The following TTLL12 variants were observed in gnomAD, a reference collection of about 807,000 sequenced individuals.
TTLL12 encodes the protein tubulin tyrosine ligase like 12.
A neutral mutation model predicts 79.6 loss-of-function variants in TTLL12; 77 were observed. The observed-to-expected ratio is 0.97, with a 90% confidence interval of 0.81 to 1.17. The LOEUF (loss-of-function observed/expected upper bound fraction) is 1.17. Among genes scored for constraint, TTLL12 ranks in the 50% most tolerant of loss-of-function variants. The pLI, the probability that TTLL12 is intolerant of heterozygous loss-of-function variation, is 0.00. For synonymous variants in TTLL12, 437 were observed against 376.1 expected, an observed-to-expected ratio of 1.16 and a Z score of -1.87; for missense variants, 969 against 895.9, an observed-to-expected ratio of 1.08 and a Z score of -1.04.
intron 1 of TTLL12, among the ~76,000 whole-genome samples, chr22:43,183,571 C>T (rs188793336): frequency 2.7e-4 from 41 of 152,306 alleles, no homozygotes; most frequent in Middle Eastern, 3.4e-3. Context: ...TGGGGGCACA[C>T]CCCAATGCCC....
intron 5 of TTLL12, among the ~76,000 whole-genome samples, chr22:43,176,707 G>A (rs1285020100): frequency 6.9e-6 from 1 of 144,228 alleles, no homozygotes; most frequent in East Asian, 2.1e-4. Context: ...TCCAGCCTGG[G>A]AGAGAGTGTG....
intron 2 of TTLL12, among the ~76,000 whole-genome samples, chr22:43,182,225 CAGG>C (rs898050860): frequency 3.3e-5 from 5 of 152,240 alleles, no homozygotes; most frequent in South Asian, 2.1e-4. Flanking sequence ...CTGAGCCGCA[CAGG>C]AGAACTCACT....
In TTLL12 at chr22:43,174,621, G is replaced by A. The variant is rs768792217; in HGVS notation, c.918-6C>T. 1 of 1,593,246 alleles carries A rather than the reference G, an allele frequency of 6.3e-7. No homozygotes were observed. Among genetic ancestry groups the A allele is most frequent in the South Asian group, 1.1e-5 (1 of 89,916 alleles). ...GCTGCACGTCCGTGTAGACCCTGTGGGGAGAGCCCGAGCTGGGTGATCCCG... is the reference window on the plus strand; with the variant it reads ...GCTGCACGTCCGTGTAGACCCTGTGAGGAGAGCCCGAGCTGGGTGATCCCG... On this transcript the variant is annotated splice_region_variant and splice_polypyrimidine_tract_variant and intron_variant, in intron 6 of 13. Transcript: ENST00000216129.
At chr22:43,183,992 G>A (rs921308355) in intron 1 of TTLL12, among the ~76,000 whole-genome samples, 2 of 152,228 alleles carry the variant, frequency 1.3e-5, no homozygotes, top group Non-Finnish European at 2.9e-5. Flanking sequence ...AGGGCTACTG[G>A]GAGGATTAGG....
rs1012885548 is a variant in TTLL12, at chr22:43,173,859, T to C, written c.1230-33A>G. 5 of 1,576,710 alleles carry C rather than the reference T, an allele frequency of 3.2e-6. No individual in the cohort carries two copies. In the South Asian group the frequency reaches 4.5e-5, roughly 14 times the overall value. ...GCAGAAGGGCTGTCTGGGGGGCGCC[T>C]GGGGCCTGTGTTCCCAGATGGTGCC... On this transcript the variant is annotated intron_variant, in intron 8 of 13. Coordinates refer to ENST00000216129, the MANE Select transcript of TTLL12 (RefSeq NM_015140.4).
intron 1 of TTLL12, among the ~76,000 whole-genome samples, chr22:43,185,364 T>C (rs1932158830): frequency 6.7e-6 from 1 of 148,560 alleles, no homozygotes; most frequent in South Asian, 2.1e-4. Flanking sequence ...GCAGGAGGGC[T>C]GATGGCCAGG....
intron 3 of TTLL12, 89 bp from the exon 4 acceptor site, chr22:43,180,089 C>G: frequency 6.9e-7 from 1 of 1,449,876 alleles, no homozygotes; most frequent in Non-Finnish European, 9.3e-7. Context: ...CACCAGCCCA[C>G]AGCCATTTCT....
intron 9 of TTLL12, among the ~76,000 whole-genome samples, chr22:43,173,116 C>T (rs192099336): frequency 5.3e-5 from 8 of 152,306 alleles, no homozygotes; most frequent in Admixed American, 3.3e-4. Context: ...ATGCATTTCC[C>T]GCCAGCCTCT....
At chr22:43,175,140 G>A (rs1569484902) in intron 6 of TTLL12, 1 of 152,576 alleles carries the variant, frequency 6.6e-6, no homozygotes, top group Admixed American at 6.5e-5. Context: ...CGGTGGAGGG[G>A]GCAGAGTGGA....
intron 10 of TTLL12, among the ~76,000 whole-genome samples, chr22:43,172,195 G>A (rs1931783293): frequency 6.6e-6 from 1 of 152,218 alleles, no homozygotes; most frequent in African/African-American, 2.4e-5. Context: ...CCATTACTGT[G>A]GGCAACACCA....
At chr22:43,177,873 C>T (rs575685308) in intron 5 of TTLL12, among the ~76,000 whole-genome samples, 1 of 152,300 alleles carries the variant, frequency 6.6e-6, no homozygotes, top group East Asian at 1.9e-4. Flanking sequence ...TACTTGTTAC[C>T]CAGCCATAGC....
At chr22:43,173,979 A>T (rs1460459655) in intron 8 of TTLL12, among the ~76,000 whole-genome samples, 153 bp from the exon 9 acceptor site, 1 of 152,200 alleles carries the variant, frequency 6.6e-6, no homozygotes, top group Non-Finnish European at 1.5e-5. Flanking sequence ...ATGGGAAACA[A>T]GGAGGGGTTT....
intron 11 of TTLL12, chr22:43,170,213 G>T: frequency 3.2e-6 from 1 of 314,612 alleles, no homozygotes; most frequent in African/African-American, 2.2e-5. Flanking sequence ...GACCCCCACA[G>T]TACAGAAGGG....
rs577280161 is a variant in TTLL12, at chr22:43,174,354, C to T, written c.1084G>A (p.Glu362Lys). The change falls in exon 8 of 14, where the codon GAG (glutamate) becomes AAG (lysine). Residue 362 changes from glutamate (E) to lysine (K), a missense_variant. By Grantham distance (56) the Glu-to-Lys change is moderately conservative. Coordinates refer to ENST00000216129, the MANE Select transcript of TTLL12 (RefSeq NM_015140.4). ...PGVLLNQFPCENLLTVKDCLA... is the reference protein window; with the variant it reads ...PGVLLNQFPCKNLLTVKDCLA... ...CAGTCCTTGACAGTCAGCAGGTTCT[C>T]GCAGGGGAACTGGTTCAGCAGCACG... 19 of 1,592,640 alleles carry T rather than the reference C, an allele frequency of 1.2e-5. No individual in the cohort carries two copies. The highest frequency in any genetic ancestry group is 1.0e-4 in the South Asian group (9 of 89,450).
chr22:43,168,157 T>A lies in TTLL12; in HGVS notation c.1786A>T (p.Arg596Trp). 6.2e-7 allele frequency: 1 copy of A among 1,613,904 alleles called. No individual in the cohort carries two copies. ...AGGATCTGCGGCTGCATCACCCGCCTTCCTGATGGCAAAGAGCGCAGCAGA... is the reference window on the plus strand; with the variant it reads ...AGGATCTGCGGCTGCATCACCCGCCATCCTGATGGCAAAGAGCGCAGCAGA... ...MLKWDNGPDGRRVMQPQILEV... is the reference protein window; with the variant it reads ...MLKWDNGPDGWRVMQPQILEV... Residue 596 changes from arginine to tryptophan, a missense_variant and splice_region_variant, in exon 14 of 14, where the codon AGG becomes TGG. Coordinates refer to ENST00000216129, the MANE Select transcript of TTLL12 (RefSeq NM_015140.4).
chr22:43,169,682 G>A (rs2147065974), intron 11 of TTLL12, 114 bp from the exon 12 acceptor site: 1 of 1,124,080 alleles, frequency 8.9e-7, no homozygotes, highest in Non-Finnish European at 1.3e-6. Context: ...GGTTCCAGGA[G>A]CAGGCAGCCA....
At chr22:43,178,625 C>T (rs1013110796) in intron 5 of TTLL12, among the ~76,000 whole-genome samples, 8 of 152,180 alleles carry the variant, frequency 5.3e-5, no homozygotes, top group Non-Finnish European at 1.2e-4. Context: ...CCAGCCTCCA[C>T]GCGCCCACTC....
rs150540626 is a variant in TTLL12, at chr22:43,168,880, G to T, written c.1677C>A (p.Phe559Leu). The T allele has an allele frequency of 9.1e-5, 147 of 1,611,246 alleles. No homozygotes were observed. Among genetic ancestry groups the T allele is most frequent in the Non-Finnish European group, 1.2e-4 (141 of 1,179,188 alleles). ...AEIFRAFTEL[F>L]QVACAKPPPL... ...GTGGTGGCTTGGCACAGGCCACCTGGAACAGCTCCGTGAAGGCCCGGAAGA... is the reference window on the plus strand; with the variant it reads ...GTGGTGGCTTGGCACAGGCCACCTGTAACAGCTCCGTGAAGGCCCGGAAGA... Residue 559 changes from phenylalanine (F) to leucine (L), a missense_variant, in exon 13 of 14, where the codon TTC (phenylalanine) becomes TTA (leucine). Phe to Leu is a conservative substitution (Grantham distance 22). Coordinates refer to ENST00000216129, the MANE Select transcript of TTLL12 (RefSeq NM_015140.4).
In TTLL12 at chr22:43,187,130, G is replaced by GC. The variant is rs1932209121; in HGVS notation, c.-62dup. 15 of 989,656 alleles carry GC rather than the reference G, an allele frequency of 1.5e-5. No homozygotes were observed. Among genetic ancestry groups the GC allele is most frequent in the Non-Finnish European group, 1.7e-5 (14 of 837,344 alleles). The allele number at this position is 989,656 out of a possible 1,614,324, so 61.3% of individuals were successfully genotyped here. A position where few individuals can be genotyped will look rare whatever the true frequency, so the allele number is the denominator to read the frequency against. ...CGCCGCCGCCGCCCGCCGTCCGTCG[G>GC]CCCTGCCCTCCCGCCTCCGCCCCCT... is the stretch of plus-strand genomic sequence containing the variant. On this transcript the variant is annotated 5_prime_UTR_variant, in exon 1 of 14. Transcript: ENST00000216129.
Sources: allele counts gnomAD v4.1 joint callset (sites outside exome capture counted in the v4.1 genomes callset), GRCh38; gene constraint gnomAD v4.1.1; transcripts MANE v1.5; gene names NCBI Gene and HGNC (gene_info 2026-07-23, HGNC 2026-07-21).